Variants in TAF8 observed in about 807,000 individuals in gnomAD.
TAF8 encodes transcription initiation factor TFIID subunit 8.
A neutral mutation model predicts 36.5 loss-of-function variants in TAF8; 47 were observed. The observed-to-expected ratio is 1.29, with a 90% CI of 1.02 to 1.64. The LOEUF (loss-of-function observed/expected upper bound fraction) is 1.64. TAF8 is among the 40% of genes most tolerant of loss of function. TAF8 has a pLI of 0.00. For missense variants in TAF8, 420 were observed against 407.6 expected (o/e 1.03, Z -0.26); for synonymous variants, 175 against 159.5 (o/e 1.10, Z -0.73).
intron 2 of TAF8, among the ~76,000 whole-genome samples, chr6:42,052,727 G>A (rs1193283511): frequency 6.6e-6 from 1 of 152,162 alleles, no homozygotes; most frequent in Non-Finnish European, 1.5e-5. Context: ...TGAACTTTTG[G>A]GGCATGGGAT....
chr6:42,077,423 AG>A, intron 8 of TAF8, 109 bp from the exon 9 acceptor site: 1 of 1,555,860 alleles, frequency 6.4e-7, no homozygotes, highest in Non-Finnish European at 8.7e-7. Flanking sequence ...TTAGTGGTTG[AG>A]TGTCCTGCAG....
chr6:42,055,692 G>A, intron 3 of TAF8, 63 bp downstream of exon 3: 1 of 1,281,222 alleles, frequency 7.8e-7, no homozygotes, highest in East Asian at 2.3e-5. Context: ...TAGGAATCAG[G>A]CATGTCTGCT....
chr6:42,079,915 A>T lies in TAF8; in HGVS notation c.*2370A>T. ...AACTTGAAAAACTTGGGGACTTGAC[A>T]GCAGGCTCCATGTTCTTCTGGCCTC... On this transcript the variant is annotated 3_prime_UTR_variant, in exon 9 of 9. Transcript: ENST00000372977. The T allele has an allele frequency of 1.0e-6, 1 of 985,246 alleles. No individual in the cohort carries two copies. Among genetic ancestry groups the T allele is most frequent in the Non-Finnish European group, 1.2e-6 (1 of 829,906 alleles). The allele number at this position is 985,246 out of a possible 1,614,324, so 61.0% of individuals were successfully genotyped here.
rs751949509 is a variant in TAF8, at chr6:42,080,373, C to CTTTTTTTTTTTTTTTT, written c.*2829_*2844dup. The CTTTTTTTTTTTTTTTT allele has an allele frequency of 1.4e-6, 1 of 708,560 alleles. No individual in the cohort carries two copies. 43.9% of individuals were successfully genotyped at this position (708,560 alleles called of 1,614,324 possible). ...AGGCTATACTCTTTTTTTTTCTTTT[C>CTTTTTTTTTTTTTTTT]TTTTTTTTTTTTTTTTGAGACGGCA... On this transcript the variant is annotated 3_prime_UTR_variant, in exon 9 of 9. Transcript: ENST00000372977.
intron 5 of TAF8, among the ~76,000 whole-genome samples, chr6:42,062,539 T>TTTC (rs1350614510): frequency 2.9e-5 from 4 of 138,348 alleles, no homozygotes. Context: ...CTTTTTTTTT[T>TTTC]TTTTTTTTTT....
At chr6:42,074,171 G>A (rs1256126585) in intron 7 of TAF8, among the ~76,000 whole-genome samples, 3 of 152,124 alleles carry the variant, frequency 2.0e-5, no homozygotes, top group African/African-American at 2.4e-5. Flanking sequence ...TTTGTGACTC[G>A]AGCCATTAGA....
At chr6:42,054,309 TTG>T (rs1319198678) in intron 2 of TAF8, among the ~76,000 whole-genome samples, 1 of 152,184 alleles carries the variant, frequency 6.6e-6, no homozygotes, top group African/African-American at 2.4e-5. Context: ...TAAGACCTTT[TTG>T]TGTGTGTGGT....
In TAF8 at chr6:42,057,442, C is replaced by T. The variant is rs773336996; in HGVS notation, c.418C>T (p.Arg140Ter). The T allele has an allele frequency of 1.3e-5, 21 of 1,613,946 alleles. No homozygotes were observed. Among genetic ancestry groups the T allele is most frequent in the East Asian group, 4.5e-5 (2 of 44,894 alleles). ...CAAGGCCCTCACTGCAGGGCAGAAC[C>T]GACCCCACCCGCCGCACATCCCCAG... ...TPKALTAGQN[R>*]PHPPHIPSHF... is the part of the protein sequence containing the mutation. The change falls in exon 5 of 9, where the codon CGA (arginine) becomes TGA (stop). Residue 140 changes from arginine to a stop codon, truncating the protein, a stop_gained. Transcript: ENST00000372977. LOFTEE classifies it high-confidence loss of function.
chr6:42,066,917 C>T (rs79454432), intron 6 of TAF8, among the ~76,000 whole-genome samples: 1,538 of 152,282 alleles, frequency 0.01, 24 homozygotes, highest in African/African-American at 0.035. Context: ...TTGGGTGATT[C>T]ATTCATTCAG....
Position 42,079,800 on chromosome 6 carries a change from C to G in TAF8, c.*2255C>G, listed in dbSNP as rs1176815380. 2.5e-5 allele frequency: 24 copies of G among 964,410 alleles called. No homozygotes were observed. The highest frequency in any genetic ancestry group is 3.0e-5 in the Non-Finnish European group (24 of 811,248). The allele number at this position is 964,410 out of a possible 1,614,324, so 59.7% of individuals were successfully genotyped here. ...AACTCCTGGCCTCAAGTGATCCACC[C>G]GCCTTGGCCTTCCAAAGTGTTGAGA... On this transcript the variant is annotated 3_prime_UTR_variant, in exon 9 of 9. Transcript: ENST00000372977.
rs762883335 is a variant in TAF8 at position 42,077,884 on chromosome 6, G to C, written c.*339G>C. 1.8e-4 allele frequency: 92 copies of C among 501,136 alleles called. No homozygotes were observed. The highest frequency in any genetic ancestry group is 7.5e-4 in the Middle Eastern group (1 of 1,338). The allele number at this position is 501,136 out of a possible 1,614,324, so 31.0% of individuals were successfully genotyped here. A position where few individuals can be genotyped will look rare whatever the true frequency, so the allele number is the denominator to read the frequency against. On this transcript the variant is annotated 3_prime_UTR_variant, in exon 9 of 9. Transcript: ENST00000372977. ...TGATTCTCCTGCCTTGGCCTCCCGA[G>C]TAGCTGGGACTAGAGGCAAGCGCCA...
chr6:42,063,894 C>T (rs1052663556), intron 5 of TAF8: 1 of 152,070 alleles, frequency 6.6e-6, no homozygotes, highest in Non-Finnish European at 1.5e-5. Flanking sequence ...TAGCTAGGAC[C>T]ACAAGCACAC....
Position 42,077,211 on chromosome 6 carries a change from G to T in TAF8, c.892G>T (p.Val298Leu). 1.2e-6 allele frequency: 2 copies of T among 1,613,834 alleles called. No individual in the cohort carries two copies. The highest frequency in any genetic ancestry group is 1.7e-6 in the Non-Finnish European group (2 of 1,179,810). The change falls in exon 8 of 9, where the codon GTG becomes TTG. Residue 298 changes from valine to leucine, a missense_variant. Coordinates refer to ENST00000372977, the MANE Select transcript of TAF8 (RefSeq NM_138572.3). ...NIIDNPYLRP[V>L]KKPKIRRKKS... is the part of the protein sequence containing the mutation. Reference sequence around the variant, plus strand: ...CATCGATAACCCTTATCTGCGGCCGGTGAAGAAGCCCAAGATCCGCAGGAA... The same window carrying T: ...CATCGATAACCCTTATCTGCGGCCGTTGAAGAAGCCCAAGATCCGCAGGAA...
intron 5 of TAF8, among the ~76,000 whole-genome samples, chr6:42,065,491 T>A (rs1212851595): frequency 6.6e-6 from 1 of 152,252 alleles, no homozygotes; most frequent in Admixed American, 6.5e-5. Flanking sequence ...CTTGCACGTA[T>A]AATAAGATCT....
chr6:42,066,283 C>T, intron 5 of TAF8, 29 bp from the exon 6 acceptor site: 1 of 1,611,330 alleles, frequency 6.2e-7, no homozygotes, highest in South Asian at 1.1e-5. Flanking sequence ...TTCGGCATCA[C>T]CCCAGTGTCT....
chr6:42,073,167 A>G (rs1765638518), intron 7 of TAF8, among the ~76,000 whole-genome samples: 2 of 152,250 alleles, frequency 1.3e-5, no homozygotes, highest in Admixed American at 6.5e-5. Context: ...AAATTCATGT[A>G]TAATTTAAAT....
Position 42,066,346 on chromosome 6 carries a change from T to C in TAF8, c.524T>C (p.Leu175Pro). 4 of 1,614,182 alleles carry C rather than the reference T, an allele frequency of 2.5e-6. No individual in the cohort carries two copies. The highest frequency in any genetic ancestry group is 3.4e-6 in the Non-Finnish European group (4 of 1,180,026). ...YREPVSDYQV[L>P]REKAASQRRD... ...GAGCCCGTGTCAGACTACCAGGTCC[T>C]GCGGGAGAAGGCTGCATCCCAGAGG... The change falls in exon 6 of 9, where the codon CTG (leucine) becomes CCG (proline). Residue 175 changes from leucine (L) to proline (P), a missense_variant. Transcript: ENST00000372977.
At position 42,080,276 on chromosome 6, in the gene TAF8, G is replaced by A. The variant is rs1365419738; in HGVS notation, c.*2731G>A. ...TTGTTGTTATCCAGTGTAAGCACCT[G>A]TTGAATGCAGATGTGCTGAGTTAGA... is the stretch of plus-strand genomic sequence containing the variant. On this transcript the variant is annotated 3_prime_UTR_variant, in exon 9 of 9. Coordinates refer to ENST00000372977, the MANE Select transcript of TAF8 (RefSeq NM_138572.3). 2.0e-5 allele frequency: 20 copies of A among 985,986 alleles called. No individual in the cohort carries two copies. Among genetic ancestry groups the A allele is most frequent in the Non-Finnish European group, 2.4e-5 (20 of 830,466 alleles). The allele number at this position is 985,986 out of a possible 1,614,324, so 61.1% of individuals were successfully genotyped here. A position where few individuals can be genotyped will look rare whatever the true frequency, so the allele number is the denominator to read the frequency against.
intron 5 of TAF8, among the ~76,000 whole-genome samples, chr6:42,059,389 A>AC: frequency 2.0e-5 from 3 of 151,666 alleles, no homozygotes; most frequent in East Asian, 1.9e-4. Context: ...TCTCAAGAAA[A>AC]AAAAAAAAAA....
Sources: gnomAD v4.1 joint callset for allele counts (sites outside exome capture counted in the v4.1 genomes callset) on GRCh38, gnomAD v4.1.1 for gene constraint, MANE v1.5 for transcripts, NCBI Gene and HGNC (gene_info 2026-07-23, HGNC 2026-07-21) for gene names.